The following IFI6 variants were observed in gnomAD, a reference collection of about 807,000 sequenced individuals.
IFI6 encodes interferon alpha-inducible protein 6.
IFI6 carries 10 observed loss-of-function variants against 12.7 expected under a neutral mutation model. The ratio of observed to expected loss-of-function variants is 0.79; its 90% CI spans 0.49 to 1.33. IFI6 has a LOEUF of 1.33. Ranked by LOEUF, IFI6 falls within the 40% of genes most tolerant of loss-of-function variation. The pLI is 0.00. For synonymous variants in IFI6, 89 were observed against 86.2 expected (o/e 1.03, Z -0.18); for missense variants, 154 against 180.4 (o/e 0.85, Z 0.84).
At chr1:27,668,784 C>A (rs1372066303) in intron 2 of IFI6, among the ~76,000 whole-genome samples, 1 of 152,038 alleles carries the variant, frequency 6.6e-6, no homozygotes, top group Non-Finnish European at 1.5e-5. Flanking sequence ...CTGGCGACAC[C>A]AACCCTGCGC....
chr1:27,671,306 T>C (rs1268809885), intron 1 of IFI6, among the ~76,000 whole-genome samples: 2 of 152,012 alleles, frequency 1.3e-5, no homozygotes, highest in Non-Finnish European at 2.9e-5. Flanking sequence ...TTAAGTAATA[T>C]TCCCAAGGCT....
intron 4 of IFI6, 143 bp downstream of exon 4, chr1:27,668,080 AAAT>A: frequency 1.2e-6 from 1 of 855,236 alleles, no homozygotes; most frequent in East Asian, 3.0e-5. Context: ...GTCTCAAAAT[AAAT>A]AAATAAAGAA....
chr1:27,669,104 C>T (rs1478635055), intron 2 of IFI6, 141 bp downstream of exon 2: 1 of 976,352 alleles, frequency 1.0e-6, no homozygotes, highest in African/African-American at 1.6e-5. Flanking sequence ...CCCTTACCTG[C>T]ATCCTTACCC....
chr1:27,669,392 C>T, intron 1 of IFI6, 46 bp from the exon 2 acceptor site: 1 of 1,183,444 alleles, frequency 8.4e-7, no homozygotes, highest in African/African-American at 1.5e-5. Context: ...ATTTTTGGAG[C>T]TCATCAGCTC....
intron 1 of IFI6, among the ~76,000 whole-genome samples, chr1:27,671,421 C>A (rs938315301): frequency 6.8e-6 from 1 of 147,192 alleles, no homozygotes; most frequent in Non-Finnish European, 1.5e-5. Context: ...TTCTCTGTCG[C>A]CCAGGCTGGA....
rs747100646 is a variant in IFI6, at chr1:27,668,385, C to A, written c.149-10G>T. The A allele has an allele frequency of 1.9e-6, 3 of 1,572,140 alleles. No homozygotes were observed. Among genetic ancestry groups the A allele is most frequent in the East Asian group, 2.4e-5 (1 of 42,044 alleles). On this transcript the variant is annotated splice_polypyrimidine_tract_variant and intron_variant, in intron 3 of 4. Transcript: ENST00000361157. ...CCGGCGACTGCGAGTCCTGGAGGAACAGGAGCAGGTGAGGGAGCGTCCGCG... is the reference window on the plus strand; with the variant it reads ...CCGGCGACTGCGAGTCCTGGAGGAAAAGGAGCAGGTGAGGGAGCGTCCGCG...
In IFI6 at chr1:27,666,435, G is replaced by A; in HGVS notation, c.339C>T (p.Ala113=). 2 of 1,613,926 alleles carry A rather than the reference G, an allele frequency of 1.2e-6. No homozygotes were observed. Among genetic ancestry groups the A allele is most frequent in the Non-Finnish European group, 1.7e-6 (2 of 1,179,974 alleles). ...GSSVVIGNIG[A]LMGYATHKYL... ...ACTTGTGGGTGGCGTAGCCCATCAG[G>A]GCACCAATATTACCTATGACGACGC... The change falls in exon 5 of 5, where the codon GCC becomes GCT. Residue 113 remains alanine, a synonymous_variant. Transcript: ENST00000361157.
At chr1:27,668,769 G>A (rs931625470) in intron 2 of IFI6, among the ~76,000 whole-genome samples, 5 of 151,990 alleles carry the variant, frequency 3.3e-5, no homozygotes, top group African/African-American at 1.2e-4. Flanking sequence ...TTTGAATCTG[G>A]GACTCTGGCG....
rs753707584 is a variant in IFI6, at chr1:27,668,250, G to GC, written c.273dup (p.Leu92AlafsTer19). On this transcript the variant is annotated frameshift_variant, in exon 4 of 5. Transcript: ENST00000361157. LOFTEE classifies it low-confidence loss of function (END_TRUNC). ...CCGAGGCTCTGCAGCGTGGCCACTAGCCCCCCGGCGGGCACGCCGCCCCCA... is the reference window on the plus strand; with the variant it reads ...CCGAGGCTCTGCAGCGTGGCCACTAGCCCCCCCGGCGGGCACGCCGCCCCCA... The GC allele has an allele frequency of 1.2e-5, 19 of 1,571,746 alleles. No homozygotes were observed. Among genetic ancestry groups the GC allele is most frequent in the Admixed American group, 1.8e-5 (1 of 55,844 alleles).
chr1:27,666,550 G>A, intron 4 of IFI6, 75 bp from the exon 5 acceptor site: 5 of 1,055,024 alleles, frequency 4.7e-6, no homozygotes, highest in Non-Finnish European at 5.9e-6. Flanking sequence ...GAAACCATTG[G>A]TTGAGTCCAA....
chr1:27,670,128 C>T (rs191985043), intron 1 of IFI6: 1 of 152,292 alleles, frequency 6.6e-6, no homozygotes, highest in East Asian at 1.9e-4. Context: ...GACTGCCAAT[C>T]GAAAGCCCTA....
intron 4 of IFI6, among the ~76,000 whole-genome samples, 197 bp from the exon 5 acceptor site, chr1:27,666,672 A>C (rs1253436256): frequency 2.0e-5 from 3 of 152,134 alleles, no homozygotes; most frequent in African/African-American, 4.8e-5. Flanking sequence ...GTGATGAAAA[A>C]GGCAAAAATA....
At chr1:27,666,832 C>T (rs2090355538) in intron 4 of IFI6, among the ~76,000 whole-genome samples, 1 of 152,116 alleles carries the variant, frequency 6.6e-6, no homozygotes, top group Non-Finnish European at 1.5e-5. Flanking sequence ...GAGAGGACAA[C>T]TAGCTGATAG....
intron 4 of IFI6, among the ~76,000 whole-genome samples, chr1:27,667,166 G>A (rs563274279): frequency 6.7e-6 from 1 of 148,534 alleles, no homozygotes; most frequent in East Asian, 2.0e-4. Flanking sequence ...CACTTTGGGA[G>A]GCCAAAGTGG....
chr1:27,668,411 G>A (rs759066682), intron 3 of IFI6, 36 bp from the exon 4 acceptor site: 3 of 1,584,200 alleles, frequency 1.9e-6, no homozygotes, highest in Admixed American at 1.7e-5. Flanking sequence ...AGCGTCCGCG[G>A]CAGAGGCCCG....
intron 4 of IFI6, among the ~76,000 whole-genome samples, chr1:27,666,770 G>A (rs1269456667): frequency 6.6e-6 from 1 of 152,158 alleles, no homozygotes; most frequent in Non-Finnish European, 1.5e-5. Flanking sequence ...TGTGGGTGTG[G>A]GGGGTTCACA....
chr1:27,667,427 A>C (rs2090360539), intron 4 of IFI6, among the ~76,000 whole-genome samples: 1 of 152,072 alleles, frequency 6.6e-6, no homozygotes, highest in Admixed American at 6.5e-5. Context: ...TATCTATAAT[A>C]AATAGATCAA....
intron 1 of IFI6, 135 bp downstream of exon 1, chr1:27,671,988 C>G (rs2148546314): frequency 6.6e-6 from 1 of 152,362 alleles, no homozygotes; most frequent in Non-Finnish European, 1.5e-5. Flanking sequence ...GCCCAGAGCA[C>G]TAAAAGGGAC....
intron 4 of IFI6, among the ~76,000 whole-genome samples, chr1:27,667,314 T>C (rs1314023576): frequency 7.1e-6 from 1 of 141,434 alleles, no homozygotes; most frequent in African/African-American, 2.6e-5. Context: ...TACTTGGGAA[T>C]CTGAGGTAGG....
Sources: allele counts gnomAD v4.1 joint callset (sites outside exome capture counted in the v4.1 genomes callset), GRCh38; gene constraint gnomAD v4.1.1; transcripts MANE v1.5; gene names NCBI Gene and HGNC (gene_info 2026-07-23, HGNC 2026-07-21).